The following NPIPB9 variants were observed in gnomAD, a reference collection of about 807,000 sequenced individuals.
The protein encoded by NPIPB9 is nuclear pore complex-interacting protein family member B9.
In NPIPB9, 1 loss-of-function variant was observed where a neutral mutation model predicts 5.6. The observed-to-expected ratio is 0.18, with a 90% CI of 0.06 to 0.84. NPIPB9 has a LOEUF of 0.84. Among genes scored for constraint, NPIPB9 ranks in the 40% least tolerant of loss-of-function variants. The pLI is 0.70. For missense variants in NPIPB9, 3 were observed against 39.1 expected, an observed-to-expected ratio of 0.08 and a Z score of 2.46; for synonymous variants, 2 against 12.5, an observed-to-expected ratio of 0.16 and a Z score of 1.77.
rs1459960988 is a variant in NPIPB9 at position 28,761,864 on chromosome 16, G to A, written c.112-387G>A. Among the ~76,000 whole-genome samples, 4 of 12,256 alleles carry A rather than the reference G, an allele frequency of 3.3e-4. 1 individual carries two copies. Among genetic ancestry groups the A allele is most frequent in the African/African-American group, 1.0e-3 (1 of 970 alleles). 8.0% of individuals were successfully genotyped at this position (12,256 alleles called of 152,430 possible). ...GCACTCCAGCCTGGGCGACTGAGTGGAGCGGAACTCTGTCTCCAAAAAAAA... is the reference window on the plus strand; with the variant it reads ...GCACTCCAGCCTGGGCGACTGAGTGAAGCGGAACTCTGTCTCCAAAAAAAA... On this transcript the variant is annotated intron_variant, in intron 2 of 7. Coordinates refer to ENST00000550983, the Ensembl canonical transcript of NPIPB9.
Position 28,759,392 on chromosome 16 carries a change from C to T in NPIPB9, c.111+1309C>T, listed in dbSNP as rs1362630580. Among the ~76,000 whole-genome samples the T allele has an allele frequency of 6.1e-5, 5 of 81,598 alleles. 1 individual carries two copies. Among genetic ancestry groups the T allele is most frequent in the East Asian group, 6.0e-4 (2 of 3,354 alleles). 53.5% of individuals were successfully genotyped at this position (81,598 alleles called of 152,430 possible). A position where few individuals can be genotyped will look rare whatever the true frequency, so the allele number is the denominator to read the frequency against. On this transcript the variant is annotated intron_variant, in intron 2 of 7. Transcript: ENST00000550983. ...TCTTGACCTCGTGATCCGCCTGCCTCGGCCTCCCAGTGCTGGGATTACAGG... is the reference window on the plus strand; with the variant it reads ...TCTTGACCTCGTGATCCGCCTGCCTTGGCCTCCCAGTGCTGGGATTACAGG...
At position 28,753,523 on chromosome 16, in the gene NPIPB9, C is replaced by CAT. The variant is rs1555493350; in HGVS notation, c.25+932_25+933insTA. On this transcript the variant is annotated intron_variant, in intron 1 of 7. Coordinates refer to ENST00000550983, the Ensembl canonical transcript of NPIPB9. ...TTATATAGATACACACACACACACA[C>CAT]ACATACATACACACACACACACACA... is the stretch of plus-strand genomic sequence containing the variant. 1.7e-4 allele frequency among the ~76,000 whole-genome samples: 11 copies of CAT among 66,588 alleles called. 1 individual carries two copies. Among genetic ancestry groups the CAT allele is most frequent in the African/African-American group, 3.1e-4 (5 of 16,244 alleles). The allele number at this position is 66,588 out of a possible 152,430, so 43.7% of individuals were successfully genotyped here.
chr16:28,759,020 G>A (rs1161993202), intron 2 of NPIPB9, among the ~76,000 whole-genome samples: 17 of 101,456 alleles, frequency 1.7e-4, no homozygotes, highest in African/African-American at 5.2e-4. Flanking sequence ...AGGCTGAGGT[G>A]GGAGGATCGC....
intron 3 of NPIPB9, among the ~76,000 whole-genome samples, chr16:28,765,415 T>C (rs1409625167): frequency 1.7e-5 from 1 of 57,294 alleles, no homozygotes; most frequent in Non-Finnish European, 3.1e-5. Flanking sequence ...TTTTTTTTTT[T>C]TTTTTTTTTT....
chr16:28,767,136 T>C (rs2049253372), intron 5 of NPIPB9, among the ~76,000 whole-genome samples: 1 of 59,618 alleles, frequency 1.7e-5, no homozygotes, highest in Non-Finnish European at 3.3e-5. Flanking sequence ...TTTGAAGCAA[T>C]TCTGCCTCAG....
intron 3 of NPIPB9, among the ~76,000 whole-genome samples, chr16:28,765,777 C>G (rs1306068344): frequency 1.0e-4 from 9 of 87,070 alleles, no homozygotes; most frequent in East Asian, 4.0e-4. Flanking sequence ...GTGTGTGTGA[C>G]AGAGTCTCAT....
Position 28,753,706 on chromosome 16 carries a change from G to GGT in NPIPB9, c.25+1118_25+1119dup, listed in dbSNP as rs1260480674. On this transcript the variant is annotated intron_variant, in intron 1 of 7. Transcript: ENST00000550983. The stretch of plus-strand genomic sequence containing the variant: ...CAGCCTCTGAGTAGCTGGGACTACA[G>GGT]GTGTGCACCATCATGCCCAGCTAAT... 1.2e-3 allele frequency among the ~76,000 whole-genome samples: 50 copies of GGT among 41,186 alleles called. 2 individuals carry two copies. The highest frequency in any genetic ancestry group is 0.011 in the South Asian group (4 of 372). 27.0% of individuals were successfully genotyped at this position (41,186 alleles called of 152,430 possible). A position where few individuals can be genotyped will look rare whatever the true frequency, so the allele number is the denominator to read the frequency against.
At chr16:28,753,563 C>T (rs2048708750) in intron 1 of NPIPB9, among the ~76,000 whole-genome samples, 1 of 72,642 alleles carries the variant, frequency 1.4e-5, no homozygotes, top group Non-Finnish European at 3.0e-5. Flanking sequence ...CACACACACA[C>T]ACACACACAT....
At chr16:28,765,724 TGTGTG>T (rs2049160678) in intron 3 of NPIPB9, among the ~76,000 whole-genome samples, 1 of 8,086 alleles carries the variant, frequency 1.2e-4, no homozygotes, top group Non-Finnish European at 2.9e-4. Flanking sequence ...GTCATTCTTG[TGTGTG>T]TGTGTGTGTG....
intron 2 of NPIPB9, chr16:28,758,513 CT>C: frequency 6.4e-5 from 4 of 62,750 alleles, no homozygotes; most frequent in Non-Finnish European, 1.2e-4. Context: ...CCTTCCCTTA[CT>C]TCCCCCCTTC....
chr16:28,756,206 T>C (rs1227039448), intron 1 of NPIPB9, among the ~76,000 whole-genome samples: 1 of 111,198 alleles, frequency 9.0e-6, no homozygotes, highest in African/African-American at 2.9e-5. Context: ...TTTTTTTTTT[T>C]TTTTTCTTTT....
chr16:28,756,176 C>T (rs1449273221), intron 1 of NPIPB9, among the ~76,000 whole-genome samples: 6 of 96,088 alleles, frequency 6.2e-5, no homozygotes, highest in African/African-American at 1.9e-4. Context: ...TTACAACCAA[C>T]ACAACCGAAA....
At chr16:28,766,765 G>T in intron 5 of NPIPB9, among the ~76,000 whole-genome samples, 3 of 119,470 alleles carry the variant, frequency 2.5e-5, no homozygotes, top group South Asian at 3.1e-4. Flanking sequence ...ATGGAGCTTT[G>T]CTGTTGTTGC....
intron 3 of NPIPB9, among the ~76,000 whole-genome samples, chr16:28,765,403 ATTTTTTTT>A (rs1206825669): frequency 4.4e-4 from 15 of 34,252 alleles, no homozygotes; most frequent in Non-Finnish European, 7.5e-4. Context: ...CACCTGGGCT[ATTTTTTTT>A]TTTTTTTTTT....
At chr16:28,769,665 G>A (rs1399637193) in intron 5 of NPIPB9, 1 of 693,896 alleles carries the variant, frequency 1.4e-6, no homozygotes, top group Non-Finnish European at 1.7e-6. Flanking sequence ...TGCAGAAATA[G>A]AAACAAACGG....
intron 1 of NPIPB9, among the ~76,000 whole-genome samples, chr16:28,752,942 G>A (rs1235688951): frequency 8.6e-6 from 1 of 116,818 alleles, no homozygotes; most frequent in Non-Finnish European, 2.0e-5. Flanking sequence ...CATTTTGGGA[G>A]GCTGAGGCTG....
At chr16:28,758,551 TCCCCTTCCCCTCC>T (rs2048932356) in intron 2 of NPIPB9, 1 of 5,574 alleles carries the variant, frequency 1.8e-4, no homozygotes, top group Admixed American at 2.1e-3. Context: ...CCCCTCCCCC[TCCCCTTCCCCTCC>T]CCCTCCCCTT....
At chr16:28,756,127 C>T (rs2048804101) in intron 1 of NPIPB9, among the ~76,000 whole-genome samples, 1 of 83,378 alleles carries the variant, frequency 1.2e-5, no homozygotes, top group African/African-American at 3.7e-5. Context: ...CACTTTTGGT[C>T]TAATCTGACT....
rs1323507094 is a variant in NPIPB9, at chr16:28,760,631, T to C, written c.112-1620T>C. 2.1e-4 allele frequency among the ~76,000 whole-genome samples: 9 copies of C among 43,232 alleles called. 4 individuals carry two copies. Among genetic ancestry groups the C allele is most frequent in the Admixed American group, 2.0e-3 (8 of 4,044 alleles). 28.4% of individuals were successfully genotyped at this position (43,232 alleles called of 152,430 possible). A position where few individuals can be genotyped will look rare whatever the true frequency, so the allele number is the denominator to read the frequency against. On this transcript the variant is annotated intron_variant, in intron 2 of 7. Coordinates refer to ENST00000550983, the Ensembl canonical transcript of NPIPB9. ...GAGCCACCACGCCCAGCCCACCTTGTTAATTTTTAAGCACTAAAATTTGAC... is the reference window on the plus strand; with the variant it reads ...GAGCCACCACGCCCAGCCCACCTTGCTAATTTTTAAGCACTAAAATTTGAC...
Sources: gnomAD v4.1 joint callset for allele counts (sites outside exome capture counted in the v4.1 genomes callset) on GRCh38, gnomAD v4.1.1 for gene constraint, MANE v1.5 for transcripts, NCBI Gene and HGNC (gene_info 2026-07-23, HGNC 2026-07-21) for gene names.